Variants in TRAF3IP1 observed in about 807,000 individuals in gnomAD.
TRAF3IP1 encodes the protein TRAF3-interacting protein 1.
A neutral mutation model predicts 89.9 loss-of-function variants in TRAF3IP1; 53 were observed. The observed-to-expected ratio is 0.59, with a 90% confidence interval of 0.47 to 0.74. The LOEUF (loss-of-function observed/expected upper bound fraction) is 0.74. TRAF3IP1 is among the 30% of genes least tolerant of loss of function. The pLI is 0.00. For missense variants in TRAF3IP1, 806 were observed against 866.1 expected (o/e 0.93, Z 0.87); for synonymous variants, 311 against 322.1 (o/e 0.97, Z 0.37).
intron 5 of TRAF3IP1, among the ~76,000 whole-genome samples, chr2:238,330,601 G>A (rs1464750562): frequency 6.6e-6 from 1 of 152,188 alleles, no homozygotes; most frequent in Non-Finnish European, 1.5e-5. Context: ...CAGCCATCTT[G>A]TCTTGTGGCA....
chr2:238,349,679 C>T (rs1159173716), intron 12 of TRAF3IP1, among the ~76,000 whole-genome samples: 1 of 152,170 alleles, frequency 6.6e-6, no homozygotes, highest in East Asian at 1.9e-4. Context: ...AGATTGAAGA[C>T]TTTCTAAGCG....
At position 238,328,798 on chromosome 2, in the gene TRAF3IP1, A is replaced by G. The variant is rs1196313290; in HGVS notation, c.467A>G (p.Glu156Gly). 6.2e-7 allele frequency: 1 copy of G among 1,614,170 alleles called. No individual in the cohort carries two copies. ...GAATTGGATAATAAGAATGTGCGAG[A>G]AGAAGAGTCCAGAGTTCACAAAAAT... ...SQELDNKNVREEESRVHKNTE... is the reference protein window; with the variant it reads ...SQELDNKNVRGEESRVHKNTE... Residue 156 changes from glutamate to glycine, a missense_variant, in exon 4 of 17, where the codon GAA (glutamate) becomes GGA (glycine). Glu to Gly is a moderately conservative substitution (Grantham distance 98). Coordinates refer to ENST00000373327, the MANE Select transcript of TRAF3IP1 (RefSeq NM_015650.4).
At chr2:238,338,739 G>C (rs868408779) in intron 8 of TRAF3IP1, among the ~76,000 whole-genome samples, 59 of 152,192 alleles carry the variant, frequency 3.9e-4, no homozygotes, top group Non-Finnish European at 1.9e-4. Context: ...TTGCTGTCGG[G>C]ATCTCACAGT....
rs779707231 is a variant in TRAF3IP1 at position 238,353,160 on chromosome 2, C to T, written c.1576-13C>T. 6.2e-7 allele frequency: 1 copy of T among 1,614,134 alleles called. No homozygotes were observed. Among genetic ancestry groups the T allele is most frequent in the Admixed American group, 1.7e-5 (1 of 60,020 alleles). ...GCCTGAATCTTCTTTTTCCCCCTTCCTTTCCTGCTCAGGTAACAGCAGTGG... is the reference window on the plus strand; with the variant it reads ...GCCTGAATCTTCTTTTTCCCCCTTCTTTTCCTGCTCAGGTAACAGCAGTGG... On this transcript the variant is annotated splice_polypyrimidine_tract_variant and intron_variant, in intron 13 of 16. Coordinates refer to ENST00000373327, the MANE Select transcript of TRAF3IP1 (RefSeq NM_015650.4).
chr2:238,353,031 G>A, intron 13 of TRAF3IP1, 81 bp downstream of exon 13: 2 of 1,534,880 alleles, frequency 1.3e-6, no homozygotes, highest in South Asian at 1.2e-5. Flanking sequence ...TTAGATTTAT[G>A]TAGACAAAAA....
intron 5 of TRAF3IP1, among the ~76,000 whole-genome samples, chr2:238,332,463 T>C (rs1698173818): frequency 6.6e-6 from 1 of 152,164 alleles, no homozygotes; most frequent in Non-Finnish European, 1.5e-5. Flanking sequence ...GAGGTTTATA[T>C]TGTTCATTCC....
Position 238,338,455 on chromosome 2 carries a change from T to TAGGTAAGAAAAATA in TRAF3IP1, c.1158_1159+12dup. Reference sequence around the variant, plus strand: ...AATCAGGAAACGACAACATCAGAAATAGGTAAGAAAAATATATTCTTTAGT... The same window carrying TAGGTAAGAAAAATA: ...AATCAGGAAACGACAACATCAGAAATAGGTAAGAAAAATAAGGTAAGAAAAATATATTCTTTAGT... On this transcript the variant is annotated frameshift_variant and splice_region_variant, in exon 8 of 17. Transcript: ENST00000373327. LOFTEE classifies it high-confidence loss of function. 4 of 1,546,482 alleles carry TAGGTAAGAAAAATA rather than the reference T, an allele frequency of 2.6e-6. No individual in the cohort carries two copies. Among genetic ancestry groups the TAGGTAAGAAAAATA allele is most frequent in the Non-Finnish European group, 3.5e-6 (4 of 1,131,190 alleles).
intron 15 of TRAF3IP1, among the ~76,000 whole-genome samples, chr2:238,388,821 A>G (rs1218986192): frequency 6.6e-6 from 1 of 151,846 alleles, no homozygotes; most frequent in African/African-American, 2.4e-5. Context: ...TTTTATAGAG[A>G]TGGAGTTTCA....
At position 238,337,846 on chromosome 2, in the gene TRAF3IP1, A is replaced by G. The variant is rs548014227; in HGVS notation, c.1064-516A>G. ...GTTGGACAACAAATTTGAGATGGCT[A>G]TGGACCAACCAAGTAGAAACATCTA... On this transcript the variant is annotated intron_variant, in intron 7 of 16. Coordinates refer to ENST00000373327, the MANE Select transcript of TRAF3IP1 (RefSeq NM_015650.4). Among the ~76,000 whole-genome samples the G allele has an allele frequency of 1.9e-4, 29 of 152,300 alleles. No homozygotes were observed. The East Asian group carries it at 4.6e-3, about 24-fold the overall frequency.
rs1025433643 is a variant in TRAF3IP1 at position 238,328,553 on chromosome 2, A to G, written c.355-133A>G. 12 of 1,128,640 alleles carry G rather than the reference A, an allele frequency of 1.1e-5. No homozygotes were observed. The African/African-American group carries it at 1.1e-4, about 10-fold the overall frequency. 69.9% of individuals were successfully genotyped at this position (1,128,640 alleles called of 1,614,324 possible). A position where few individuals can be genotyped will look rare whatever the true frequency, so the allele number is the denominator to read the frequency against. Reference sequence around the variant, plus strand: ...TGTGATAATAACATGTTCAAAAAATATTTTATCCTTTGAATTTCATTGTAG... The same window carrying G: ...TGTGATAATAACATGTTCAAAAAATGTTTTATCCTTTGAATTTCATTGTAG... On this transcript the variant is annotated intron_variant, in intron 3 of 16. Coordinates refer to ENST00000373327, the MANE Select transcript of TRAF3IP1 (RefSeq NM_015650.4).
chr2:238,362,564 AG>A (rs1699707800), intron 15 of TRAF3IP1, among the ~76,000 whole-genome samples: 1 of 152,120 alleles, frequency 6.6e-6, no homozygotes, highest in Non-Finnish European at 1.5e-5. Context: ...GAGGGAGAAA[AG>A]GGAGGAAGGA....
chr2:238,324,078 T>C (rs1230323970), intron 1 of TRAF3IP1, among the ~76,000 whole-genome samples: 1 of 151,932 alleles, frequency 6.6e-6, no homozygotes, highest in East Asian at 1.9e-4. Context: ...TTTTCTTTCT[T>C]TTTTTTTGAG....
Position 238,397,548 on chromosome 2 carries a change from G to C in TRAF3IP1, c.1779G>C (p.Leu593=), listed in dbSNP as rs751495189. 6.8e-6 allele frequency: 11 copies of C among 1,613,072 alleles called. No individual in the cohort carries two copies. Among genetic ancestry groups the C allele is most frequent in the Non-Finnish European group, 9.3e-6 (11 of 1,179,956 alleles). The change falls in exon 16 of 17, where the codon CTG becomes CTC. Residue 593 remains leucine (L), a synonymous_variant. Transcript: ENST00000373327. ...IEKLRTSIQT[L]CKSALPLGKI... ...AGCTCCGCACGTCCATCCAGACCCTGTGCAAGAGCGCACTTCCCCTGGGGA... is the reference window on the plus strand; with the variant it reads ...AGCTCCGCACGTCCATCCAGACCCTCTGCAAGAGCGCACTTCCCCTGGGGA...
chr2:238,400,605 A>G lies in TRAF3IP1; in HGVS notation c.*1686A>G, dbSNP rs887052854. 4.6e-5 allele frequency: 7 copies of G among 152,312 alleles called. No individual in the cohort carries two copies. In the East Asian group the frequency reaches 1.2e-3, roughly 25 times the overall value. The allele number at this position is 152,312 out of a possible 1,614,324, so 9.4% of individuals were successfully genotyped here. ...ATTCTGTTTGATCAGATTATATTACATACATTTTGGGGGAGTGGAGGGACA... is the reference window on the plus strand; with the variant it reads ...ATTCTGTTTGATCAGATTATATTACGTACATTTTGGGGGAGTGGAGGGACA... On this transcript the variant is annotated 3_prime_UTR_variant, in exon 17 of 17. Transcript: ENST00000373327.
intron 15 of TRAF3IP1, among the ~76,000 whole-genome samples, chr2:238,396,975 T>G (rs531437409): frequency 6.6e-6 from 1 of 152,328 alleles, no homozygotes; most frequent in East Asian, 1.9e-4. Context: ...CCTTTGGGTT[T>G]CTTTCCCCTT....
rs760932962 is a variant in TRAF3IP1 at position 238,333,953 on chromosome 2, C to T, written c.988-7C>T. On this transcript the variant is annotated splice_region_variant and splice_polypyrimidine_tract_variant and intron_variant, in intron 6 of 16. Transcript: ENST00000373327. ...AATTAATTTCTTTTCATTCTTTTTT[C>T]TTTAAGACTGAGATTTCCACTAGAG... is the stretch of plus-strand genomic sequence containing the variant. 45 of 1,598,236 alleles carry T rather than the reference C, an allele frequency of 2.8e-5. No homozygotes were observed. The highest frequency in any genetic ancestry group is 5.2e-5 in the Admixed American group (3 of 58,084).
intron 15 of TRAF3IP1, among the ~76,000 whole-genome samples, chr2:238,391,438 G>A (rs1427601119): frequency 6.6e-6 from 1 of 152,224 alleles, no homozygotes; most frequent in East Asian, 1.9e-4. Flanking sequence ...AGAGAGGTGT[G>A]CTTTTTAAAG....
chr2:238,372,593 C>T lies in TRAF3IP1; in HGVS notation c.1689+16513C>T, dbSNP rs190326759. ...TGTGAGTAGTGCCATAATAAACGTA[C>T]ATGTCCATGTGTCTTTATAGCAGAA... On this transcript the variant is annotated intron_variant, in intron 15 of 16. Transcript: ENST00000373327. Among the ~76,000 whole-genome samples, 309 of 152,304 alleles carry T rather than the reference C, an allele frequency of 2.0e-3. 4 individuals carry two copies. Among genetic ancestry groups the T allele is most frequent in the Non-Finnish European group, 1.2e-3 (80 of 68,032 alleles).
rs751411557 is a variant in TRAF3IP1, at chr2:238,347,470, A to G, written c.1277A>G (p.Asp426Gly). 2 of 1,614,128 alleles carry G rather than the reference A, an allele frequency of 1.2e-6. No individual in the cohort carries two copies. The highest frequency in any genetic ancestry group is 1.1e-5 in the South Asian group (1 of 91,084). ...TEKQKGDSTS[D>G]AEGDAGPAGQ... is the part of the protein sequence containing the mutation. The stretch of plus-strand genomic sequence containing the variant: ...TTTTCTTTAGGTGACTCCACCAGTG[A>G]TGCAGGTGAGGAATGGCCTTAGATA... Residue 426 changes from aspartate to glycine, a missense_variant, in exon 10 of 17, where the codon GAT becomes GGT. Physicochemically the swap from Asp to Gly is moderately conservative, Grantham distance 94 (BLOSUM62 -1). Transcript: ENST00000373327.
Sources: gnomAD v4.1 joint callset for allele counts (sites outside exome capture counted in the v4.1 genomes callset) on GRCh38, gnomAD v4.1.1 for gene constraint, MANE v1.5 for transcripts, NCBI Gene and HGNC (gene_info 2026-07-23, HGNC 2026-07-21) for gene names.